Variants in ALKBH3 observed in about 807,000 individuals in gnomAD.
The protein encoded by ALKBH3 is alkB homolog 3, alpha-ketoglutarate dependent dioxygenase, also known as alpha-ketoglutarate-dependent dioxygenase alkB homolog 3.
In ALKBH3, 51 loss-of-function variants were observed where a neutral mutation model predicts 43.9. The observed-to-expected ratio is 1.16, with a 90% CI of 0.93 to 1.47. The LOEUF is 1.47. Among genes scored for constraint, ALKBH3 ranks in the 40% most tolerant of loss-of-function variants. The pLI, the probability that ALKBH3 is intolerant of heterozygous loss-of-function variation, is 0.00. For synonymous variants in ALKBH3, 102 were observed against 115.2 expected, an observed-to-expected ratio of 0.89 and a Z score of 0.73; for missense variants, 361 against 351.9, an observed-to-expected ratio of 1.03 and a Z score of -0.21.
intron 7 of ALKBH3, among the ~76,000 whole-genome samples, chr11:43,901,130 A>G (rs1047107104): frequency 1.3e-5 from 2 of 152,220 alleles, no homozygotes; most frequent in Non-Finnish European, 2.9e-5. Context: ...ACCTAGTGAC[A>G]TATCGGCTTT....
chr11:43,898,275 G>T, intron 7 of ALKBH3: 1 of 752,556 alleles, frequency 1.3e-6, no homozygotes, highest in East Asian at 2.4e-5. Flanking sequence ...ATATTCTTCA[G>T]TTCCTATGTG....
intron 8 of ALKBH3, among the ~76,000 whole-genome samples, chr11:43,908,383 T>A (rs1246644077): frequency 6.6e-6 from 1 of 152,206 alleles, no homozygotes; most frequent in Non-Finnish European, 1.5e-5. Flanking sequence ...GGAATGAGTG[T>A]TCTGGTATTA....
At chr11:43,898,143 A>G in intron 7 of ALKBH3, 1 of 1,206,908 alleles carries the variant, frequency 8.3e-7, no homozygotes, top group Non-Finnish European at 1.2e-6. Flanking sequence ...CTGATAACAA[A>G]CTAGATGCTG....
At chr11:43,910,608 T>A (rs1951930831) in intron 8 of ALKBH3, 1 of 152,244 alleles carries the variant, frequency 6.6e-6, no homozygotes, top group Admixed American at 6.5e-5. Context: ...AACCATTCTC[T>A]TGGTCAGGTT....
intron 6 of ALKBH3, among the ~76,000 whole-genome samples, chr11:43,891,405 C>T (rs904376341): frequency 1.3e-5 from 2 of 152,256 alleles, no homozygotes; most frequent in African/African-American, 4.8e-5. Context: ...TTGCCTGGTA[C>T]ATAGTAAGCC....
At chr11:43,919,562 A>G (rs574961749) in intron 9 of ALKBH3, 3 of 295,656 alleles carry the variant, frequency 1.0e-5, no homozygotes, top group East Asian at 1.6e-4. Flanking sequence ...TCTAAGGTGC[A>G]CATGTTAATG....
intron 7 of ALKBH3, chr11:43,898,054 C>A: frequency 1.0e-6 from 1 of 964,168 alleles, no homozygotes; most frequent in Non-Finnish European, 1.7e-6. Context: ...TGTTGTCATC[C>A]CAGATGCTGT....
Position 43,902,704 on chromosome 11 carries a change from C to T in ALKBH3, c.669+979C>T, listed in dbSNP as rs544093400. Among the ~76,000 whole-genome samples, 4 of 152,374 alleles carry T rather than the reference C, an allele frequency of 2.6e-5. No homozygotes were observed. In the South Asian group the frequency reaches 6.2e-4, roughly 24 times the overall value. Reference sequence around the variant, plus strand: ...CTCTGCCTCCCCAGTTCAAGCGATTCACTTGCGTTAGCCTCCCGAGTAGCT... The same window carrying T: ...CTCTGCCTCCCCAGTTCAAGCGATTTACTTGCGTTAGCCTCCCGAGTAGCT... On this transcript the variant is annotated intron_variant, in intron 8 of 9. Transcript: ENST00000302708.
chr11:43,882,614 ATCT>A lies in ALKBH3; in HGVS notation c.-35_-33del, dbSNP rs1951719490. 6.3e-7 allele frequency: 1 copy of A among 1,585,002 alleles called. No individual in the cohort carries two copies. The highest frequency in any genetic ancestry group is 8.6e-7 in the Non-Finnish European group (1 of 1,168,590). On this transcript the variant is annotated 5_prime_UTR_variant, in exon 2 of 10. Coordinates refer to ENST00000302708, the MANE Select transcript of ALKBH3 (RefSeq NM_139178.4). ...TGGAGTAGTTTGAAACAGGAACAAAATCTTCTGAAAGCTCGGAGCAGAAGCCTT... is the reference window on the plus strand; with the variant it reads ...TGGAGTAGTTTGAAACAGGAACAAAATCTGAAAGCTCGGAGCAGAAGCCTT...
intron 9 of ALKBH3, 36 bp downstream of exon 9, chr11:43,919,172 G>C (rs751868324): frequency 6.5e-7 from 1 of 1,542,094 alleles, no homozygotes; most frequent in South Asian, 1.1e-5. Context: ...CTGCTTTCAT[G>C]TGGAGGCAGT....
intron 8 of ALKBH3, among the ~76,000 whole-genome samples, chr11:43,918,077 C>G (rs985286739): frequency 6.6e-6 from 1 of 152,142 alleles, no homozygotes; most frequent in Non-Finnish European, 1.5e-5. Context: ...CCCTTTCTAC[C>G]GGAAGTGAAG....
intron 8 of ALKBH3, chr11:43,909,366 A>G (rs1951919550): frequency 6.6e-6 from 1 of 152,156 alleles, no homozygotes; most frequent in Admixed American, 6.5e-5. Context: ...TTTTAAAAAT[A>G]TTTTACCACT....
intron 2 of ALKBH3, 69 bp from the exon 3 acceptor site, chr11:43,883,016 C>T (rs937718122): frequency 1.5e-6 from 2 of 1,294,626 alleles, no homozygotes; most frequent in African/African-American, 1.5e-5. Context: ...CTTTATTGGC[C>T]CTTGCTCAGT....
chr11:43,895,556 A>G lies in ALKBH3; in HGVS notation c.459+3427A>G, dbSNP rs1193076573. On this transcript the variant is annotated intron_variant, in intron 7 of 9. Transcript: ENST00000302708. The stretch of plus-strand genomic sequence containing the variant: ...ATGTCTTTATTAGCAGCATGAGAAC[A>G]GACTAATGCAATAGACATTCAAGGA... Among the ~76,000 whole-genome samples the G allele has an allele frequency of 2.0e-5, 3 of 152,258 alleles. No homozygotes were observed. The South Asian group carries it at 6.2e-4, about 31-fold the overall frequency.
intron 7 of ALKBH3, chr11:43,897,562 T>G: frequency 1.3e-6 from 1 of 785,184 alleles, no homozygotes; most frequent in East Asian, 2.4e-5. Context: ...ATTCCGACAT[T>G]CATGGGCAGT....
chr11:43,881,115 T>G lies in ALKBH3; in HGVS notation c.-135T>G, dbSNP rs957439010. 6.6e-6 allele frequency: 1 copy of G among 152,566 alleles called. No individual in the cohort carries two copies. Among genetic ancestry groups the G allele is most frequent in the African/African-American group, 2.4e-5 (1 of 41,474 alleles). The allele number at this position is 152,566 out of a possible 1,614,324, so 9.5% of individuals were successfully genotyped here. ...TCTTCCACCTGCGGAGCTCGCTTAG[T>G]CTGCACCTCAACCGTGCGGAAAGTG... On this transcript the variant is annotated 5_prime_UTR_variant, in exon 1 of 10. Coordinates refer to ENST00000302708, the MANE Select transcript of ALKBH3 (RefSeq NM_139178.4).
intron 4 of ALKBH3, among the ~76,000 whole-genome samples, chr11:43,885,707 A>G (rs1006229080): frequency 6.6e-6 from 1 of 152,218 alleles, no homozygotes; most frequent in African/African-American, 2.4e-5. Context: ...TGCTATGTGC[A>G]GACACTGGGA....
intron 7 of ALKBH3, among the ~76,000 whole-genome samples, chr11:43,895,269 G>A (rs1426165296): frequency 6.6e-6 from 1 of 152,188 alleles, no homozygotes; most frequent in East Asian, 1.9e-4. Context: ...TAATCCCCGT[G>A]TATCAAGGGC....
At chr11:43,898,504 G>C in intron 7 of ALKBH3, 1 of 942,830 alleles carries the variant, frequency 1.1e-6, no homozygotes, top group Non-Finnish European at 1.7e-6. Flanking sequence ...GAGAGCACTC[G>C]GGGAGGAAGC....
Sources: gnomAD v4.1 joint callset for allele counts (sites outside exome capture counted in the v4.1 genomes callset) on GRCh38, gnomAD v4.1.1 for gene constraint, MANE v1.5 for transcripts, NCBI Gene and HGNC (gene_info 2026-07-23, HGNC 2026-07-21) for gene names.